JAKMIP3: variants seen among roughly 807,000 people sequenced by gnomAD.
JAKMIP3 encodes janus kinase and microtubule-interacting protein 3.
A neutral mutation model predicts 118.5 loss-of-function variants in JAKMIP3; 58 were observed. The observed-to-expected ratio is 0.49, with a 90% CI of 0.40 to 0.61. JAKMIP3 has a LOEUF of 0.61. Ranked by LOEUF, JAKMIP3 falls within the 20% of genes least tolerant of loss-of-function variation. The probability of loss-of-function intolerance (pLI) is 0.00; values close to 1 mark genes in which losing one functional copy is unlikely to be tolerated. For synonymous variants in JAKMIP3, 486 were observed against 451.2 expected (o/e 1.08, Z -0.98); for missense variants, 950 against 1,109.0 (o/e 0.86, Z 2.04).
intron 23 of JAKMIP3, chr10:132,170,044 C>T (rs58555607): frequency 0.022 from 3,380 of 152,416 alleles, 112 homozygotes; most frequent in African/African-American, 0.076. Context: ...CCAGAAGGTT[C>T]GCTGCAGAGG....
In JAKMIP3 at chr10:132,147,126, A is replaced by G. The variant is rs541085552; in HGVS notation, c.1750-826A>G. 2.3e-4 allele frequency among the ~76,000 whole-genome samples: 35 copies of G among 152,302 alleles called. 1 individual carries two copies. In the South Asian group the frequency reaches 4.8e-3, roughly 21 times the overall value. ...GTGCAGATCACATTCCTGGCCCTGC[A>G]GGTGTTCCACGGCAGGCCCACTGTG... is the stretch of plus-strand genomic sequence containing the variant. On this transcript the variant is annotated intron_variant, in intron 13 of 23. Coordinates refer to ENST00000684848, the MANE Select transcript of JAKMIP3 (RefSeq NM_001323087.2).
chr10:132,138,050 G>A, intron 8 of JAKMIP3, 69 bp from the exon 9 acceptor site: 1 of 1,440,118 alleles, frequency 6.9e-7, no homozygotes, highest in Non-Finnish European at 9.6e-7. Context: ...CACACGGGCA[G>A]TAAACCGTGG....
At chr10:132,135,875 G>A in intron 5 of JAKMIP3, 55 bp from the exon 6 acceptor site, 1 of 1,570,134 alleles carries the variant, frequency 6.4e-7, no homozygotes, top group Non-Finnish European at 8.7e-7. Flanking sequence ...TCTGCGTGGA[G>A]ACCTGCTGGT....
intron 16 of JAKMIP3, 33 bp from the exon 17 acceptor site, chr10:132,152,925 C>T (rs755685981): frequency 2.6e-6 from 4 of 1,563,632 alleles, no homozygotes; most frequent in East Asian, 4.6e-5. Context: ...GGCACTGCTT[C>T]TGACCGCACC....
upstream of JAKMIP3, among the ~76,000 whole-genome samples, chr10:132,065,379 G>A (rs780594723): frequency 2.0e-4 from 30 of 152,116 alleles, no homozygotes; most frequent in Non-Finnish European, 3.5e-4. This position sits in a 1 kb window ranked among gnomAD's most constrained non-coding sequence, Gnocchi z 5.6. Flanking sequence ...AGTGTTGAGT[G>A]TGTGCAAATC....
intron 11 of JAKMIP3, chr10:132,143,729 C>G (rs894334810): frequency 2.6e-5 from 4 of 152,198 alleles, no homozygotes; most frequent in Non-Finnish European, 4.4e-5. Flanking sequence ...ATCGAGGAAG[C>G]CTCAGGATAA....
intron 1 of JAKMIP3, among the ~76,000 whole-genome samples, chr10:132,041,141 T>TG (rs1047701423): frequency 3.3e-5 from 5 of 152,242 alleles, no homozygotes; most frequent in African/African-American, 7.2e-5. Flanking sequence ...CTGCAACCTC[T>TG]GCCTCCTGGG....
chr10:132,133,263 C>T, intron 3 of JAKMIP3, 49 bp from the exon 4 acceptor site: 1 of 1,453,186 alleles, frequency 6.9e-7, no homozygotes, highest in African/African-American at 1.4e-5. Context: ...ATGGTAACTG[C>T]AGATCCGTGT....
intron 1 of JAKMIP3, among the ~76,000 whole-genome samples, chr10:132,068,065 G>A (rs571551416): frequency 3.7e-5 from 1 of 27,302 alleles, no homozygotes; most frequent in African/African-American, 1.1e-4. Flanking sequence ...GTGGGCTTCC[G>A]TGTGGACTGT....
Position 132,140,492 on chromosome 10 carries a change from T to C in JAKMIP3, c.1386T>C (p.Ala462=). The change falls in exon 10 of 24, where the codon GCT becomes GCC. Residue 462 remains alanine (A), a synonymous_variant. Coordinates refer to ENST00000684848, the MANE Select transcript of JAKMIP3 (RefSeq NM_001323087.2). ...CCTTCTTTGGATACGACGAAGAGGC[T>C]TCCCTGGAATCCGACGGCTCCTCCG... is the stretch of plus-strand genomic sequence containing the variant. ...VETFFGYDEE[A]SLESDGSSVS... is the part of the protein sequence containing the mutation. 6.2e-7 allele frequency: 1 copy of C among 1,613,886 alleles called. No individual in the cohort carries two copies. Among genetic ancestry groups the C allele is most frequent in the Non-Finnish European group, 8.5e-7 (1 of 1,179,852 alleles).
At chr10:132,143,154 G>A (rs1038596554) in intron 11 of JAKMIP3, among the ~76,000 whole-genome samples, 1 of 151,890 alleles carries the variant, frequency 6.6e-6, no homozygotes, top group Non-Finnish European at 1.5e-5. Flanking sequence ...GGGTGGGGGG[G>A]GCTGGCCTTG....
intron 9 of JAKMIP3, among the ~76,000 whole-genome samples, chr10:132,138,410 A>G (rs1490993774): frequency 7.2e-6 from 1 of 139,302 alleles, no homozygotes; most frequent in Non-Finnish European, 1.5e-5. Flanking sequence ...GTGTGCGGAG[A>G]GGGGTGCGCC....
intron 23 of JAKMIP3, among the ~76,000 whole-genome samples, chr10:132,173,506 C>G (rs2059828304): frequency 6.6e-6 from 1 of 152,090 alleles, no homozygotes; most frequent in Non-Finnish European, 1.5e-5. Flanking sequence ...GGTGTCCACA[C>G]ACAACACTGT....
At chr10:132,089,850 A>G (rs553706669) in intron 1 of JAKMIP3, among the ~76,000 whole-genome samples, 18 of 152,332 alleles carry the variant, frequency 1.2e-4, no homozygotes, top group African/African-American at 4.3e-4. Flanking sequence ...TGGGTTTGTC[A>G]TAAATAGCTC....
At chr10:132,157,660 T>C (rs1185337889) in intron 19 of JAKMIP3, among the ~76,000 whole-genome samples, 1 of 152,184 alleles carries the variant, frequency 6.6e-6, no homozygotes, top group Non-Finnish European at 1.5e-5. Flanking sequence ...AAGTCTAACA[T>C]GTTTCTATGC....
intron 1 of JAKMIP3, among the ~76,000 whole-genome samples, chr10:132,085,848 A>G (rs544619137): frequency 6.6e-6 from 1 of 151,906 alleles, no homozygotes; most frequent in Admixed American, 6.6e-5. Flanking sequence ...TCTTTTGTAT[A>G]TATTTTTTGT....
chr10:132,065,682 G>A (rs1293584632), upstream of JAKMIP3, among the ~76,000 whole-genome samples: 1 of 152,136 alleles, frequency 6.6e-6, no homozygotes, highest in Non-Finnish European at 1.5e-5. This position sits in a 1 kb window ranked among gnomAD's most constrained non-coding sequence, Gnocchi z 5.6. Context: ...TCACCTGCGT[G>A]GCTGTGCCTT....
intron 11 of JAKMIP3, 122 bp from the exon 12 acceptor site, chr10:132,144,985 C>T (rs559095383): frequency 7.1e-5 from 52 of 733,082 alleles, no homozygotes; most frequent in Admixed American, 5.4e-5. Context: ...AAAGGAAGGG[C>T]GAACAGTCAC....
rs867232222 is a variant in JAKMIP3 at position 132,112,763 on chromosome 10, G to A, written c.136-4314G>A. Among the ~76,000 whole-genome samples the A allele has an allele frequency of 2.0e-5, 3 of 152,134 alleles. No homozygotes were observed. The highest frequency in any genetic ancestry group is 7.2e-5 in the African/African-American group (3 of 41,414). ...GCCACGTGTCTCCTTGGACAGGGCAGCTCTCCACCTCCCCTTGGACACCGG... is the reference window on the plus strand; with the variant it reads ...GCCACGTGTCTCCTTGGACAGGGCAACTCTCCACCTCCCCTTGGACACCGG... On this transcript the variant is annotated intron_variant, in intron 2 of 23. Transcript: ENST00000684848. This position sits in a 1 kb window ranked among gnomAD's most constrained non-coding sequence, Gnocchi z 4.3.
Sources: allele counts gnomAD v4.1 joint callset (sites outside exome capture counted in the v4.1 genomes callset), GRCh38; gene constraint gnomAD v4.1.1; non-coding constraint Gnocchi (gnomAD v3.1); transcripts MANE v1.5; gene names NCBI Gene and HGNC (gene_info 2026-07-23, HGNC 2026-07-21).